The following MYO16 variants were observed in gnomAD, a reference collection of about 807,000 sequenced individuals.
MYO16 encodes myosin XVI.
A neutral mutation model predicts 205.3 loss-of-function variants in MYO16; 94 were observed. The observed-to-expected ratio is 0.46, with a 90% CI of 0.39 to 0.54. The LOEUF is 0.54. Ranked by LOEUF, MYO16 falls within the 20% of genes least tolerant of loss-of-function variation. The pLI is 0.00. For missense variants in MYO16, 2,315 were observed against 2,387.5 expected, an observed-to-expected ratio of 0.97 and a Z score of 0.63; for synonymous variants, 988 against 954.0, an observed-to-expected ratio of 1.04 and a Z score of -0.66.
intron 5 of MYO16, among the ~76,000 whole-genome samples, chr13:108,791,685 T>A (rs1440805936): frequency 1.3e-5 from 2 of 151,982 alleles, no homozygotes; most frequent in African/African-American, 2.4e-5. Context: ...CGAGGCAGAG[T>A]TGAAGTGCCC....
chr13:109,130,045 C>T (rs1400502087), intron 31 of MYO16, among the ~76,000 whole-genome samples: 1 of 150,248 alleles, frequency 6.7e-6, no homozygotes, highest in Non-Finnish European at 1.5e-5. Flanking sequence ...TATACACACA[C>T]ACACACACAT....
chr13:108,672,910 T>G (rs1324360158), intron 2 of MYO16, among the ~76,000 whole-genome samples: 1 of 151,950 alleles, frequency 6.6e-6, no homozygotes, highest in African/African-American at 2.4e-5. Flanking sequence ...TAGTCCACAA[T>G]GTGTTTCCAT....
At chr13:108,571,071 G>C in the MYO16 span, among the ~76,000 whole-genome samples, 2 of 151,748 alleles carry the variant, frequency 1.3e-5, no homozygotes, top group African/African-American at 2.4e-5. Context: ...AGTAGGTTTT[G>C]ATATTACAGA....
intron 20 of MYO16, among the ~76,000 whole-genome samples, chr13:108,984,781 A>C (rs12583066): frequency 1.3e-5 from 2 of 152,086 alleles, no homozygotes; most frequent in Non-Finnish European, 2.9e-5. Flanking sequence ...ATAAACTTCA[A>C]ATACACCTCA....
intron 9 of MYO16, among the ~76,000 whole-genome samples, chr13:108,830,989 A>G (rs1394841408): frequency 2.0e-5 from 3 of 152,172 alleles, no homozygotes; most frequent in Admixed American, 6.5e-5. Flanking sequence ...TTTATTACAA[A>G]TTCAAATTCA....
At chr13:108,722,279 G>A (rs1029812665) in intron 3 of MYO16, among the ~76,000 whole-genome samples, 3 of 152,130 alleles carry the variant, frequency 2.0e-5, no homozygotes, top group Non-Finnish European at 4.4e-5. Flanking sequence ...GCTGACATAA[G>A]GAAGAACAAC....
chr13:109,185,835 A>G (rs1454918273), intron 34 of MYO16, among the ~76,000 whole-genome samples: 1 of 152,192 alleles, frequency 6.6e-6, no homozygotes, highest in Non-Finnish European at 1.5e-5. Context: ...CTCATAAATC[A>G]TATAATATTC....
chr13:108,681,239 A>G (rs1008789223), intron 2 of MYO16, among the ~76,000 whole-genome samples: 4 of 152,176 alleles, frequency 2.6e-5, no homozygotes, highest in African/African-American at 9.7e-5. Context: ...TCTAATAGTT[A>G]TATTTGATAT....
the MYO16 span, among the ~76,000 whole-genome samples, chr13:108,563,792 A>G: frequency 8.5e-5 from 13 of 152,334 alleles, no homozygotes; most frequent in South Asian, 2.3e-3. Context: ...GAGCAGTGCT[A>G]TAACAAACAT....
intron 9 of MYO16, among the ~76,000 whole-genome samples, chr13:108,823,699 T>A (rs1425716681): frequency 6.6e-6 from 1 of 151,978 alleles, no homozygotes; most frequent in East Asian, 1.9e-4. Context: ...TAACTTCCTG[T>A]TGCATTGAAA....
chr13:108,835,945 G>A (rs946567034), intron 9 of MYO16, among the ~76,000 whole-genome samples: 2 of 152,098 alleles, frequency 1.3e-5, no homozygotes, highest in Non-Finnish European at 2.9e-5. Flanking sequence ...CTATTTCTTG[G>A]GGAAAAATTC....
chr13:109,196,937 C>CA (rs1355621406), intron 34 of MYO16, among the ~76,000 whole-genome samples: 4 of 152,196 alleles, frequency 2.6e-5, no homozygotes, highest in Non-Finnish European at 4.4e-5. Flanking sequence ...ATTAAACTGT[C>CA]AGAGAGCCTG....
intron 10 of MYO16, among the ~76,000 whole-genome samples, chr13:108,847,197 G>T (rs1452184560): frequency 6.6e-6 from 1 of 152,186 alleles, no homozygotes; most frequent in Non-Finnish European, 1.5e-5. Flanking sequence ...AAAATATCAA[G>T]TGTAATCTTC....
intron 1 of MYO16, among the ~76,000 whole-genome samples, chr13:108,609,824 A>G (rs1879105672): frequency 6.6e-6 from 1 of 152,134 alleles, no homozygotes; most frequent in African/African-American, 2.4e-5. Flanking sequence ...GACATTCTAA[A>G]ACGATAGTTA....
chr13:108,601,304 A>G (rs1426399199), intron 1 of MYO16, among the ~76,000 whole-genome samples: 2 of 152,092 alleles, frequency 1.3e-5, no homozygotes, highest in Non-Finnish European at 2.9e-5. Flanking sequence ...CCTGTTATTT[A>G]TTTTAGCTGT....
chr13:109,019,093 T>C (rs1302538086), intron 22 of MYO16, among the ~76,000 whole-genome samples: 1 of 151,816 alleles, frequency 6.6e-6, no homozygotes, highest in Non-Finnish European at 1.5e-5. Context: ...CTCAGCGTCC[T>C]GAGAAACTGG....
upstream of MYO16, among the ~76,000 whole-genome samples, chr13:108,627,570 A>G (rs979475331): frequency 6.6e-6 from 1 of 152,196 alleles, no homozygotes; most frequent in South Asian, 2.1e-4. Context: ...TATGGAATAC[A>G]TGAGTCGATG....
chr13:108,785,607 G>A, intron 4 of MYO16, 28 bp from the exon 5 acceptor site: 1 of 1,375,440 alleles, frequency 7.3e-7, no homozygotes, highest in Non-Finnish European at 1.0e-6. Context: ...CAGTATATAT[G>A]ATGTTATATT....
chr13:108,937,628 A>G (rs1170616247), intron 16 of MYO16, among the ~76,000 whole-genome samples: 1 of 152,158 alleles, frequency 6.6e-6, no homozygotes, highest in Non-Finnish European at 1.5e-5. Flanking sequence ...AAGCTCTGAA[A>G]TTATTCTGCT....
Sources: gnomAD v4.1 joint callset for allele counts (sites outside exome capture counted in the v4.1 genomes callset) on GRCh38, gnomAD v4.1.1 for gene constraint, MANE v1.5 for transcripts, NCBI Gene and HGNC (gene_info 2026-07-23, HGNC 2026-07-21) for gene names.